KRT222: variants seen among roughly 807,000 people sequenced by gnomAD.
The protein encoded by KRT222 is keratin 222, also known as keratin-like protein KRT222.
Under a neutral mutation model 35.0 loss-of-function variants are expected in KRT222, and 23 were observed. The ratio of observed to expected loss-of-function variants is 0.66; its 90% CI spans 0.47 to 0.93. KRT222 has a LOEUF of 0.93. Among genes scored for constraint, KRT222 ranks in the 40% least tolerant of loss-of-function variants. The pLI, the probability that KRT222 is intolerant of heterozygous loss-of-function variation, is 0.00. For synonymous variants in KRT222, 108 were observed against 118.8 expected (o/e 0.91, Z 0.59); for missense variants, 339 against 346.3 (o/e 0.98, Z 0.17).
chr17:40,662,630 T>C (rs2037390919), intron 1 of KRT222, among the ~76,000 whole-genome samples: 1 of 152,252 alleles, frequency 6.6e-6, no homozygotes, highest in African/African-American at 2.4e-5. Flanking sequence ...TTCAAGATGA[T>C]CTTTTTAAAA....
At position 40,657,685 on chromosome 17, in the gene KRT222, A is replaced by G; in HGVS notation, c.512T>C (p.Val171Ala). Residue 171 changes from valine (V) to alanine (A), a missense_variant, in exon 4 of 6, where the codon GTT (valine) becomes GCT (alanine). Val to Ala is a moderately conservative substitution (Grantham distance 64, BLOSUM62 0). Transcript: ENST00000394052. ...KKPTTSRVGF[V>A]LPSAIINEIS... ...TGTCAGAAACTCACCTGATGGTAAAACAAAACCAACTCTACTTGTGGTAGG... is the reference window on the plus strand; with the variant it reads ...TGTCAGAAACTCACCTGATGGTAAAGCAAAACCAACTCTACTTGTGGTAGG... The G allele has an allele frequency of 6.2e-7, 1 of 1,612,620 alleles. No homozygotes were observed.
intron 1 of KRT222, 80 bp from the exon 2 acceptor site, chr17:40,662,124 T>C (rs1274808023): frequency 3.9e-6 from 6 of 1,547,134 alleles, no homozygotes; most frequent in African/African-American, 2.8e-5. Flanking sequence ...AAAGCAATTA[T>C]AGAAAAATTG....
chr17:40,664,838 T>C, intron 1 of KRT222, 166 bp downstream of exon 1: 1 of 1,136,738 alleles, frequency 8.8e-7, no homozygotes, highest in Non-Finnish European at 1.2e-6. Context: ...AATCACAGTA[T>C]TTCCCCCTGT....
intron 2 of KRT222, 76 bp downstream of exon 2, chr17:40,661,840 C>T (rs1567853783): frequency 4.0e-6 from 6 of 1,518,198 alleles, no homozygotes; most frequent in Non-Finnish European, 5.4e-6. Context: ...AATAAACAGA[C>T]ATTCATCTTT....
intron 1 of KRT222, among the ~76,000 whole-genome samples, chr17:40,664,590 T>C (rs1185034945): frequency 6.6e-6 from 1 of 152,220 alleles, no homozygotes; most frequent in East Asian, 1.9e-4. Flanking sequence ...AAAGTGTACA[T>C]GCTAATAAAT....
intron 3 of KRT222, 35 bp from the exon 4 acceptor site, chr17:40,657,785 A>C (rs779324651): frequency 7.3e-7 from 1 of 1,371,112 alleles, no homozygotes; most frequent in Non-Finnish European, 1.0e-6. Flanking sequence ...TAAGAGCAAC[A>C]CTGTATCAGC....
rs2037337288 is a variant in KRT222, at chr17:40,655,325, A to T, written c.*1077T>A. ...TGTATTAAACAAATTAGGTTATTTTAAAAACTTTGCAACAATACCTCACTT... is the reference window on the plus strand; with the variant it reads ...TGTATTAAACAAATTAGGTTATTTTTAAAACTTTGCAACAATACCTCACTT... On this transcript the variant is annotated 3_prime_UTR_variant, in exon 6 of 6. Coordinates refer to ENST00000394052, the MANE Select transcript of KRT222 (RefSeq NM_152349.3). 1 of 152,000 alleles carries T rather than the reference A, an allele frequency of 6.6e-6. No individual in the cohort carries two copies. Among genetic ancestry groups the T allele is most frequent in the Non-Finnish European group, 1.5e-5 (1 of 67,934 alleles). 9.4% of individuals were successfully genotyped at this position (152,000 alleles called of 1,614,324 possible).
At chr17:40,659,031 A>AT (rs1428511801) in intron 3 of KRT222, among the ~76,000 whole-genome samples, 1 of 151,796 alleles carries the variant, frequency 6.6e-6, no homozygotes, top group Non-Finnish European at 1.5e-5. Flanking sequence ...GATCAGGGGG[A>AT]TTGTGGTGAT....
chr17:40,659,458 A>G (rs2037368125), intron 3 of KRT222, among the ~76,000 whole-genome samples: 1 of 152,206 alleles, frequency 6.6e-6, no homozygotes, highest in South Asian at 2.1e-4. Context: ...TACAGGCGTG[A>G]GCCGCTGCAC....
intron 5 of KRT222, 142 bp downstream of exon 5, chr17:40,657,210 C>CAA (rs34128971): frequency 0.082 from 30,743 of 374,880 alleles, 218 homozygotes; most frequent in Non-Finnish European, 0.094. Flanking sequence ...GACTCAATCT[C>CAA]AAAAAAAAAA....
intron 3 of KRT222, among the ~76,000 whole-genome samples, chr17:40,659,548 C>T (rs1234817405): frequency 6.6e-6 from 1 of 152,106 alleles, no homozygotes; most frequent in Non-Finnish European, 1.5e-5. Flanking sequence ...CTTAGCCTCC[C>T]AAGTAGCTGG....
In KRT222 at chr17:40,660,009, G is replaced by A. The variant is rs1193857252; in HGVS notation, c.424C>T (p.Leu142Phe). 1 of 1,614,048 alleles carries A rather than the reference G, an allele frequency of 6.2e-7. No individual in the cohort carries two copies. Among genetic ancestry groups the A allele is most frequent in the Non-Finnish European group, 8.5e-7 (1 of 1,179,950 alleles). Residue 142 changes from leucine (L) to phenylalanine (F), a missense_variant, in exon 3 of 6, where the codon CTC (leucine) becomes TTC (phenylalanine). Coordinates refer to ENST00000394052, the MANE Select transcript of KRT222 (RefSeq NM_152349.3). ...LEQEIATYRHLLEKEEIRYYG... is the reference protein window; with the variant it reads ...LEQEIATYRHFLEKEEIRYYG... ...TACCTGATTTCTTCTTTTTCTAGGAGGTGGCGATAAGTTGCTATTTCTTGT... is the reference window on the plus strand; with the variant it reads ...TACCTGATTTCTTCTTTTTCTAGGAAGTGGCGATAAGTTGCTATTTCTTGT...
intron 3 of KRT222, among the ~76,000 whole-genome samples, chr17:40,659,342 G>GT: frequency 6.6e-6 from 1 of 151,446 alleles, no homozygotes. Context: ...TATTATTATT[G>GT]TTTTTTTCTT....
At position 40,657,472 on chromosome 17, in the gene KRT222, A is replaced by G; in HGVS notation, c.539T>C (p.Ile180Thr). ...TTGTGGGACTTTTGTAGTAAAAGAT[A>G]TTTCATTTATAATGGCTGTGAAAAT... is the stretch of plus-strand genomic sequence containing the variant. ...FVLPSAIINEISFTTKVPQKY... is the reference protein window; with the variant it reads ...FVLPSAIINETSFTTKVPQKY... The change falls in exon 5 of 6, where the codon ATA becomes ACA. Residue 180 changes from isoleucine to threonine, a missense_variant. Physicochemically the swap from Ile to Thr is moderately conservative, Grantham distance 89. Coordinates refer to ENST00000394052, the MANE Select transcript of KRT222 (RefSeq NM_152349.3). The G allele has an allele frequency of 1.9e-6, 3 of 1,598,570 alleles. No individual in the cohort carries two copies. The highest frequency in any genetic ancestry group is 2.6e-6 in the Non-Finnish European group (3 of 1,170,410).
intron 3 of KRT222, among the ~76,000 whole-genome samples, chr17:40,658,885 T>C (rs2037362107): frequency 6.6e-6 from 1 of 152,230 alleles, no homozygotes; most frequent in African/African-American, 2.4e-5. Context: ...TCTTTTGATA[T>C]CTTTTCCTAT....
chr17:40,658,180 G>A (rs1219226446), intron 3 of KRT222, among the ~76,000 whole-genome samples: 1 of 151,672 alleles, frequency 6.6e-6, no homozygotes, highest in East Asian at 1.9e-4. Flanking sequence ...TAAACTGGGG[G>A]AAGTGGGTAC....
At position 40,655,735 on chromosome 17, in the gene KRT222, C is replaced by A. The variant is rs1597755830; in HGVS notation, c.*667G>T. 6.6e-6 allele frequency: 1 copy of A among 151,866 alleles called. No individual in the cohort carries two copies. The highest frequency in any genetic ancestry group is 1.9e-4 in the East Asian group (1 of 5,198). The allele number at this position is 151,866 out of a possible 1,614,324, so 9.4% of individuals were successfully genotyped here. ...AATCAGATACTTATTACAAAAAAAA[C>A]CTTTTAGATATATGTAGATTAACTT... On this transcript the variant is annotated 3_prime_UTR_variant, in exon 6 of 6. Coordinates refer to ENST00000394052, the MANE Select transcript of KRT222 (RefSeq NM_152349.3).
At position 40,655,412 on chromosome 17, in the gene KRT222, CTAAA is replaced by C. The variant is rs1286343119; in HGVS notation, c.*986_*989del. 1.3e-5 allele frequency: 2 copies of C among 152,074 alleles called. No individual in the cohort carries two copies. The highest frequency in any genetic ancestry group is 4.8e-5 in the African/African-American group (2 of 41,440). 9.4% of individuals were successfully genotyped at this position (152,074 alleles called of 1,614,324 possible). A position where few individuals can be genotyped will look rare whatever the true frequency, so the allele number is the denominator to read the frequency against. On this transcript the variant is annotated 3_prime_UTR_variant, in exon 6 of 6. Coordinates refer to ENST00000394052, the MANE Select transcript of KRT222 (RefSeq NM_152349.3). ...TTTGAACGATTTAAAAACAAATCCT[CTAAA>C]TACTCTTAGCTTAGATAACAATACC...
chr17:40,659,387 C>T (rs904908238), intron 3 of KRT222, among the ~76,000 whole-genome samples: 8 of 151,968 alleles, frequency 5.3e-5, no homozygotes, highest in African/African-American at 1.5e-4. Context: ...GTTGGCCAGG[C>T]GGATCTTGAA....
Sources: gnomAD v4.1 joint callset for allele counts (sites outside exome capture counted in the v4.1 genomes callset) on GRCh38, gnomAD v4.1.1 for gene constraint, MANE v1.5 for transcripts, NCBI Gene and HGNC (gene_info 2026-07-23, HGNC 2026-07-21) for gene names.